SYNJ2BP: variants seen among roughly 807,000 people sequenced by gnomAD.
SYNJ2BP encodes the protein synaptojanin 2 binding protein.
In SYNJ2BP, 10 loss-of-function variants were observed where a neutral mutation model predicts 16.9. The observed-to-expected ratio is 0.59, with a 90% CI of 0.36 to 1.00. The LOEUF is 1.00. SYNJ2BP is among the 50% of genes least tolerant of loss of function. SYNJ2BP has a pLI of 0.01. For missense variants in SYNJ2BP, 162 were observed against 186.7 expected, an observed-to-expected ratio of 0.87 and a Z score of 0.77; for synonymous variants, 54 against 68.4, an observed-to-expected ratio of 0.79 and a Z score of 1.04.
chr14:70,412,509 C>CAGTATATATATGTATGTAT (rs1888496929), intron 1 of SYNJ2BP, among the ~76,000 whole-genome samples: 6 of 87,688 alleles, frequency 6.8e-5, no homozygotes, highest in Admixed American at 4.2e-4. Flanking sequence ...AGTATATATA[C>CAGTATATATATGTATGTAT]AGTATATATA....
chr14:70,373,249 A>C (rs1186422911), intron 3 of SYNJ2BP, 118 bp from the exon 4 acceptor site: 1 of 1,282,114 alleles, frequency 7.8e-7, no homozygotes, highest in South Asian at 1.5e-5. Flanking sequence ...TGTAACCCCC[A>C]GCAATACCTA....
intron 2 of SYNJ2BP, among the ~76,000 whole-genome samples, chr14:70,376,239 A>G (rs79196947): frequency 0.076 from 11,623 of 152,306 alleles, 518 homozygotes; most frequent in Middle Eastern, 0.11. Context: ...ATATAAATCT[A>G]TACTAGCCCA....
chr14:70,388,926 C>CTT (rs201784694), intron 1 of SYNJ2BP, among the ~76,000 whole-genome samples: 12 of 137,398 alleles, frequency 8.7e-5, no homozygotes, highest in African/African-American at 1.6e-4. Flanking sequence ...TCTTCTTTTT[C>CTT]TTTTTTTTTT....
At chr14:70,396,938 T>A (rs1888112550) in intron 1 of SYNJ2BP, among the ~76,000 whole-genome samples, 1 of 152,210 alleles carries the variant, frequency 6.6e-6, no homozygotes, top group Admixed American at 6.5e-5. Context: ...CTGTGGGCTA[T>A]CTTTAACTCT....
chr14:70,399,533 A>G (rs10144506), intron 1 of SYNJ2BP, among the ~76,000 whole-genome samples: 36,021 of 151,820 alleles, frequency 0.24, 5,971 homozygotes, highest in East Asian at 0.61. Flanking sequence ...AGGGTGGGGG[A>G]CACACAGTTG....
intron 1 of SYNJ2BP, among the ~76,000 whole-genome samples, chr14:70,405,551 G>A (rs1295741198): frequency 1.3e-5 from 2 of 152,062 alleles, no homozygotes; most frequent in African/African-American, 4.8e-5. Flanking sequence ...AATCAAAATT[G>A]AGCATTAATA....
intron 1 of SYNJ2BP, among the ~76,000 whole-genome samples, chr14:70,414,450 G>A (rs7144478): frequency 0.6 from 91,296 of 152,078 alleles, 30,590 homozygotes; most frequent in Non-Finnish European, 0.73. Flanking sequence ...AAGCTTGTCC[G>A]AATGCCAATG....
intron 2 of SYNJ2BP, among the ~76,000 whole-genome samples, chr14:70,376,312 A>G (rs1377035385): frequency 1.3e-5 from 2 of 152,250 alleles, no homozygotes; most frequent in Non-Finnish European, 2.9e-5. Context: ...TATCCATTAT[A>G]TCCAAATTAG....
chr14:70,389,373 C>CTTTTTTT (rs752623860), intron 1 of SYNJ2BP, among the ~76,000 whole-genome samples: 1 of 94,960 alleles, frequency 1.1e-5, no homozygotes, highest in African/African-American at 3.2e-5. Context: ...TTGAGAGTTT[C>CTTTTTTT]TTTTTTTTTT....
At chr14:70,381,387 CTTT>C (rs2140821508) in intron 2 of SYNJ2BP, among the ~76,000 whole-genome samples, 1 of 152,310 alleles carries the variant, frequency 6.6e-6, no homozygotes, top group South Asian at 2.1e-4. Flanking sequence ...AAAGATAATT[CTTT>C]CTTAAAGAAC....
At chr14:70,402,377 T>C (rs1258827899) in intron 1 of SYNJ2BP, among the ~76,000 whole-genome samples, 1 of 152,214 alleles carries the variant, frequency 6.6e-6, no homozygotes, top group Non-Finnish European at 1.5e-5. Flanking sequence ...TGTGGCTTAA[T>C]GTCTTTGTAG....
In SYNJ2BP at chr14:70,388,483, T is replaced by C; in HGVS notation, c.188A>G (p.Asp63Gly). ...GCCCATTCTCACCGAAAGGATCTTATCACCCTCCTGGAGCCGCCCATCCAG... is the reference window on the plus strand; with the variant it reads ...GCCCATTCTCACCGAAAGGATCTTACCACCCTCCTGGAGCCGCCCATCCAG... ...AALDGRLQEG[D>G]KILSVNGQDL... The change falls in exon 2 of 4, where the codon GAT becomes GGT. Residue 63 changes from aspartate (D) to glycine (G), a missense_variant. Asp to Gly is a moderately conservative substitution (Grantham distance 94, BLOSUM62 -1). Coordinates refer to ENST00000256366, the MANE Select transcript of SYNJ2BP (RefSeq NM_018373.3). 6.3e-7 allele frequency: 1 copy of C among 1,577,030 alleles called. No homozygotes were observed. Among genetic ancestry groups the C allele is most frequent in the Non-Finnish European group, 8.6e-7 (1 of 1,164,250 alleles).
intron 2 of SYNJ2BP, among the ~76,000 whole-genome samples, chr14:70,380,943 A>G (rs1312093109): frequency 3.3e-5 from 5 of 152,228 alleles, no homozygotes; most frequent in Admixed American, 3.3e-4. Context: ...ATTCTATTGT[A>G]ACTTCAACAT....
chr14:70,404,563 T>C (rs1428908665), intron 1 of SYNJ2BP, among the ~76,000 whole-genome samples: 1 of 152,198 alleles, frequency 6.6e-6, no homozygotes, highest in Non-Finnish European at 1.5e-5. Flanking sequence ...AGGTTATCTT[T>C]CTAGAAATTA....
intron 3 of SYNJ2BP, among the ~76,000 whole-genome samples, chr14:70,373,680 C>A (rs1322821775): frequency 6.6e-6 from 1 of 152,160 alleles, no homozygotes; most frequent in Non-Finnish European, 1.5e-5. Context: ...GGGTTTTGCC[C>A]TTCATCTGCT....
chr14:70,380,931 G>C (rs1280649046), intron 2 of SYNJ2BP, among the ~76,000 whole-genome samples: 1 of 152,134 alleles, frequency 6.6e-6, no homozygotes, highest in Non-Finnish European at 1.5e-5. Flanking sequence ...ACACCACTTT[G>C]CATTCTATTG....
At chr14:70,382,846 C>T (rs537219389) in intron 2 of SYNJ2BP, among the ~76,000 whole-genome samples, 6 of 152,230 alleles carry the variant, frequency 3.9e-5, no homozygotes, top group Admixed American at 3.3e-4. Context: ...CTATTTCCTG[C>T]CTTATGAAAT....
intron 1 of SYNJ2BP, among the ~76,000 whole-genome samples, chr14:70,398,701 G>C (rs1406022348): frequency 6.6e-6 from 1 of 152,156 alleles, no homozygotes; most frequent in Non-Finnish European, 1.5e-5. Context: ...AAATGCCTAG[G>C]TCTTTGCACC....
chr14:70,411,473 T>G (rs1005425772), intron 1 of SYNJ2BP, among the ~76,000 whole-genome samples: 2 of 152,210 alleles, frequency 1.3e-5, no homozygotes, highest in African/African-American at 4.8e-5. Context: ...GTTTCCATAC[T>G]AACACTAAAG....
Sources: gnomAD v4.1 joint callset for allele counts (sites outside exome capture counted in the v4.1 genomes callset) on GRCh38, gnomAD v4.1.1 for gene constraint, MANE v1.5 for transcripts, NCBI Gene and HGNC (gene_info 2026-07-23, HGNC 2026-07-21) for gene names.